The following UBA6 variants were observed in gnomAD, a reference collection of about 807,000 sequenced individuals.
The protein encoded by UBA6 is ubiquitin-like modifier-activating enzyme 6.
UBA6 carries 87 observed loss-of-function variants against 148.3 expected under a neutral mutation model. The observed-to-expected ratio is 0.59, with a 90% CI of 0.49 to 0.70. The LOEUF is 0.70. Among genes scored for constraint, UBA6 ranks in the 30% least tolerant of loss-of-function variants. UBA6 has a pLI of 0.00. For missense variants in UBA6, 1,186 were observed against 1,241.2 expected (o/e 0.96, Z 0.67); for synonymous variants, 376 against 401.0 (o/e 0.94, Z 0.75).
chr4:67,635,561 A>G lies in UBA6; in HGVS notation c.1737-3T>C. The stretch of plus-strand genomic sequence containing the variant: ...GCCTTAGATTTGCTAAGCAACGACT[A>G]TTTGAAAAGACAGCAAGTAAAAAAC... On this transcript the variant is annotated splice_region_variant and splice_polypyrimidine_tract_variant and intron_variant, in intron 19 of 32. Coordinates refer to ENST00000322244, the MANE Select transcript of UBA6 (RefSeq NM_018227.6). 1 of 1,596,464 alleles carries G rather than the reference A, an allele frequency of 6.3e-7. No homozygotes were observed. The highest frequency in any genetic ancestry group is 8.6e-7 in the Non-Finnish European group (1 of 1,165,046).
intron 6 of UBA6, among the ~76,000 whole-genome samples, chr4:67,674,199 T>C (rs1004946972): frequency 6.6e-6 from 1 of 152,200 alleles, no homozygotes; most frequent in Admixed American, 6.5e-5. Context: ...CTAGAACATG[T>C]CCATCTGTGG....
rs143770976 is a variant in UBA6, at chr4:67,660,649, C to G, written c.1104+1540G>C. 8.2e-3 allele frequency among the ~76,000 whole-genome samples: 1,242 copies of G among 152,290 alleles called. 22 individuals carry two copies. Among genetic ancestry groups the G allele is most frequent in the African/African-American group, 0.029 (1,194 of 41,566 alleles). On this transcript the variant is annotated intron_variant, in intron 13 of 32. Coordinates refer to ENST00000322244, the MANE Select transcript of UBA6 (RefSeq NM_018227.6). ...CCTCATGGAGAACTTCTTGCTAAGG[C>G]AGTGCAGAAGGATAATGTGGGGTTG...
rs1256584472 is a variant in UBA6, at chr4:67,618,563, G to A, written c.*434C>T. ...CCAAATCATATCAGAGGTGCAGGAT[G>A]CCAAACACTATTTGCATAGAAAATC... is the stretch of plus-strand genomic sequence containing the variant. On this transcript the variant is annotated 3_prime_UTR_variant, in exon 33 of 33. Transcript: ENST00000322244. 1 of 153,322 alleles carries A rather than the reference G, an allele frequency of 6.5e-6. No individual in the cohort carries two copies. Among genetic ancestry groups the A allele is most frequent in the Non-Finnish European group, 1.5e-5 (1 of 68,654 alleles). The allele number at this position is 153,322 out of a possible 1,614,324, so 9.5% of individuals were successfully genotyped here.
intron 4 of UBA6, among the ~76,000 whole-genome samples, chr4:67,680,325 C>A (rs1730402193): frequency 6.6e-6 from 1 of 152,164 alleles, no homozygotes; most frequent in African/African-American, 2.4e-5. Flanking sequence ...ATATTACTGT[C>A]TCCTGATGGG....
At chr4:67,654,901 T>A (rs145250522) in intron 13 of UBA6, among the ~76,000 whole-genome samples, 2 of 149,034 alleles carry the variant, frequency 1.3e-5, no homozygotes, top group Non-Finnish European at 3.0e-5. Context: ...TCCTAGTCTC[T>A]GATAAAACAG....
At chr4:67,671,175 C>A (rs1730139333) in intron 7 of UBA6, among the ~76,000 whole-genome samples, 1 of 152,092 alleles carries the variant, frequency 6.6e-6, no homozygotes, top group Non-Finnish European at 1.5e-5. Context: ...TGTCTCCATT[C>A]TGAGAATTTG....
At position 67,618,498 on chromosome 4, in the gene UBA6, C is replaced by T. The variant is rs1172862254; in HGVS notation, c.*499G>A. 1 of 152,636 alleles carries T rather than the reference C, an allele frequency of 6.6e-6. No individual in the cohort carries two copies. The highest frequency in any genetic ancestry group is 6.5e-5 in the Admixed American group (1 of 15,270). The allele number at this position is 152,636 out of a possible 1,614,324, so 9.5% of individuals were successfully genotyped here. A position where few individuals can be genotyped will look rare whatever the true frequency, so the allele number is the denominator to read the frequency against. The stretch of plus-strand genomic sequence containing the variant: ...TTTAAAATATCCACCCTTCATCCAC[C>T]ACTACCATACTTCTTCCCAGTGGTA... On this transcript the variant is annotated 3_prime_UTR_variant, in exon 33 of 33. Coordinates refer to ENST00000322244, the MANE Select transcript of UBA6 (RefSeq NM_018227.6).
rs369897735 is a variant in UBA6, at chr4:67,631,841, C to T, written c.2194+16G>A. On this transcript the variant is annotated intron_variant, in intron 24 of 32. Transcript: ENST00000322244. ...AATAAATGTCATTAAAATTTATTCT[C>T]AACATTTATACTTACTGCCATCTTT... 2.5e-6 allele frequency: 4 copies of T among 1,611,068 alleles called. No individual in the cohort carries two copies. The highest frequency in any genetic ancestry group is 3.4e-6 in the Non-Finnish European group (4 of 1,178,258).
chr4:67,681,635 C>T (rs1486381671), intron 3 of UBA6, 44 bp from the exon 4 acceptor site: 8 of 1,411,378 alleles, frequency 5.7e-6, no homozygotes, highest in Middle Eastern at 1.8e-4. Flanking sequence ...ATTGGGAATA[C>T]ACACTAGATA....
At chr4:67,699,729 G>A (rs961875217) in intron 1 of UBA6, among the ~76,000 whole-genome samples, 19 of 152,124 alleles carry the variant, frequency 1.2e-4, no homozygotes, top group Non-Finnish European at 1.3e-4. Flanking sequence ...AGCCTCCCGA[G>A]TAGCTGGGAC....
At chr4:67,694,613 G>C (rs925793894) in intron 2 of UBA6, among the ~76,000 whole-genome samples, 1 of 151,994 alleles carries the variant, frequency 6.6e-6, no homozygotes, top group Non-Finnish European at 1.5e-5. Flanking sequence ...TAGCCAGGAT[G>C]GTCTCGATCT....
chr4:67,638,011 A>T (rs2109909655), intron 19 of UBA6, among the ~76,000 whole-genome samples: 1 of 152,110 alleles, frequency 6.6e-6, no homozygotes, highest in Admixed American at 6.5e-5. Context: ...AAAAAAAGCT[A>T]AACTAGATGA....
At chr4:67,663,740 T>TGTGA in intron 11 of UBA6, 145 bp downstream of exon 11, 1 of 552,534 alleles carries the variant, frequency 1.8e-6, no homozygotes, top group Non-Finnish European at 3.2e-6. Context: ...ACTTTAGATA[T>TGTGA]GTGAGTATAA....
chr4:67,623,289 C>CAAA, intron 30 of UBA6, 67 bp from the exon 31 acceptor site: 2 of 1,122,950 alleles, frequency 1.8e-6, no homozygotes, highest in South Asian at 1.4e-5. Context: ...GACACACACA[C>CAAA]AAAAAAAACC....
chr4:67,680,268 A>G (rs1051938599), intron 4 of UBA6, among the ~76,000 whole-genome samples: 9 of 152,206 alleles, frequency 5.9e-5, no homozygotes, highest in Admixed American at 4.6e-4. Context: ...GAATCTAGGC[A>G]ATAATAATTA....
rs377405414 is a variant in UBA6, at chr4:67,646,028, A to T, written c.1317-12T>A. 5.4e-6 allele frequency: 8 copies of T among 1,483,528 alleles called. No individual in the cohort carries two copies. The highest frequency in any genetic ancestry group is 6.4e-6 in the Non-Finnish European group (7 of 1,091,440). The allele number at this position is 1,483,528 out of a possible 1,614,324, so 91.9% of individuals were successfully genotyped here. Reference sequence around the variant, plus strand: ...CATATCTATCTCCTCTGAAAAAAATAACATATACCAAAAAGCAGAAATAAA... The same window carrying T: ...CATATCTATCTCCTCTGAAAAAAATTACATATACCAAAAAGCAGAAATAAA... On this transcript the variant is annotated splice_polypyrimidine_tract_variant and intron_variant, in intron 15 of 32. Coordinates refer to ENST00000322244, the MANE Select transcript of UBA6 (RefSeq NM_018227.6).
intron 8 of UBA6, among the ~76,000 whole-genome samples, chr4:67,669,193 A>G (rs1730080925): frequency 6.6e-6 from 1 of 152,212 alleles, no homozygotes; most frequent in Admixed American, 6.5e-5. Flanking sequence ...CACCAATGCA[A>G]TAAGAATCCA....
At chr4:67,625,683 T>C (rs751292244) in intron 28 of UBA6, among the ~76,000 whole-genome samples, 4 of 151,980 alleles carry the variant, frequency 2.6e-5, no homozygotes, top group Admixed American at 6.6e-5. Context: ...CTTCTAATTA[T>C]TGTTATTCTG....
intron 2 of UBA6, 52 bp downstream of exon 2, chr4:67,696,593 T>C: frequency 1.4e-6 from 2 of 1,425,216 alleles, no homozygotes; most frequent in Non-Finnish European, 2.0e-6. Flanking sequence ...TACTTGATTA[T>C]TTGAGAACAA....
Sources: allele counts gnomAD v4.1 joint callset (sites outside exome capture counted in the v4.1 genomes callset), GRCh38; gene constraint gnomAD v4.1.1; transcripts MANE v1.5; gene names NCBI Gene and HGNC (gene_info 2026-07-23, HGNC 2026-07-21).